The following NRXN2 variants were observed in gnomAD, a reference collection of about 807,000 sequenced individuals.
NRXN2 encodes the protein neurexin-2-beta.
A neutral mutation model predicts 128.8 loss-of-function variants in NRXN2; 29 were observed. The ratio of observed to expected loss-of-function variants is 0.23; its 90% CI spans 0.17 to 0.31. The LOEUF (loss-of-function observed/expected upper bound fraction) is 0.31, where lower values mean the gene tolerates loss of function less well. NRXN2 is among the 10% of genes least tolerant of loss of function. The probability of loss-of-function intolerance (pLI) is 1.00; values close to 1 mark genes in which losing one functional copy is unlikely to be tolerated. For synonymous variants in NRXN2, 1,098 were observed against 1,075.2 expected (o/e 1.02, Z -0.41); for missense variants, 1,881 against 2,452.6 (o/e 0.77, Z 4.92).
chr11:64,700,164 C>T (rs1466274053), intron 2 of NRXN2, among the ~76,000 whole-genome samples: 1 of 152,192 alleles, frequency 6.6e-6, no homozygotes, highest in Non-Finnish European at 1.5e-5. Context: ...TCTCCTCGCT[C>T]TCCTCAGTGA....
At chr11:64,704,648 AG>A (rs1365101327) in intron 2 of NRXN2, among the ~76,000 whole-genome samples, 9 of 151,218 alleles carry the variant, frequency 6.0e-5, no homozygotes, top group African/African-American at 2.2e-4. Flanking sequence ...AGAGAGAGAG[AG>A]AGAGAGAGAG....
chr11:64,668,865 C>G (rs1455757890), intron 7 of NRXN2, among the ~76,000 whole-genome samples: 1 of 152,162 alleles, frequency 6.6e-6, no homozygotes, highest in Admixed American at 6.5e-5. Flanking sequence ...CTGAAGGGTA[C>G]TTGGAGAGCT....
At chr11:64,653,956 A>G (rs2047884774) in intron 11 of NRXN2, among the ~76,000 whole-genome samples, 1 of 152,150 alleles carries the variant, frequency 6.6e-6, no homozygotes, top group South Asian at 2.1e-4. Context: ...CAGGGCAGTC[A>G]GATGATGGGA....
chr11:64,717,382 C>G (rs2057331308), intron 1 of NRXN2, among the ~76,000 whole-genome samples: 1 of 152,214 alleles, frequency 6.6e-6, no homozygotes, highest in African/African-American at 2.4e-5. Context: ...GGGAGCCGAC[C>G]TCCTGAGTAA....
At chr11:64,629,877 C>T (rs894901649) in intron 19 of NRXN2, among the ~76,000 whole-genome samples, 1 of 152,172 alleles carries the variant, frequency 6.6e-6, no homozygotes, top group African/African-American at 2.4e-5. Flanking sequence ...TACTCCTCTT[C>T]CTTCGTTAGA....
At chr11:64,677,798 T>C (rs1273950913) in intron 6 of NRXN2, among the ~76,000 whole-genome samples, 3 of 152,234 alleles carry the variant, frequency 2.0e-5, no homozygotes, top group Non-Finnish European at 4.4e-5. Context: ...ACCAGATGGC[T>C]TTCCAGAGAA....
chr11:64,684,124 A>C (rs988559143), intron 6 of NRXN2, among the ~76,000 whole-genome samples: 3 of 152,014 alleles, frequency 2.0e-5, no homozygotes, highest in African/African-American at 7.2e-5. Flanking sequence ...TGTGCCATGT[A>C]TTTTTTGGTC....
intron 2 of NRXN2, among the ~76,000 whole-genome samples, chr11:64,708,606 T>C (rs1476108606): frequency 1.3e-5 from 2 of 152,242 alleles, no homozygotes; most frequent in African/African-American, 4.8e-5. Flanking sequence ...TTTCCTAGCA[T>C]GGAGGTTCTC....
intron 17 of NRXN2, chr11:64,642,846 CG>C (rs1205257767): frequency 5.9e-6 from 6 of 1,017,674 alleles, no homozygotes; most frequent in Non-Finnish European, 7.0e-6. Context: ...TGGCCGGGGG[CG>C]GGGACGCGGG....
rs151297667 is a variant in NRXN2 at position 64,667,672 on chromosome 11, T to C, written c.1376A>G (p.Asn459Ser). The change falls in exon 9 of 23, where the codon AAT becomes AGT. Residue 459 changes from asparagine to serine, a missense_variant. By Grantham distance (46) the Asn-to-Ser change is conservative. Transcript: ENST00000265459. This position sits in a 1 kb window ranked among gnomAD's most constrained non-coding sequence, Gnocchi z 5.6. ...GCGGGATAGTTCCAATTTGAAGTCA[T>C]TGTTCTTATAGACCACCTGCAGGGA... Reference protein sequence around the residue: ...GCLKDVVYKNNDFKLELSRLA... With the variant: ...GCLKDVVYKNSDFKLELSRLA... 1.2e-5 allele frequency: 19 copies of C among 1,613,988 alleles called. No individual in the cohort carries two copies. The African/African-American group carries it at 1.6e-4, about 14-fold the overall frequency.
At chr11:64,653,828 TCC>T in intron 11 of NRXN2, 106 bp from the exon 12 acceptor site, 1 of 845,592 alleles carries the variant, frequency 1.2e-6, no homozygotes, top group Non-Finnish European at 1.9e-6. Flanking sequence ...CGGGCGGGGT[TCC>T]CCCCAGGGCC....
At position 64,654,342 on chromosome 11, in the gene NRXN2, G is replaced by A. The variant is rs552515866; in HGVS notation, c.2390-620C>T. Among the ~76,000 whole-genome samples the A allele has an allele frequency of 9.8e-5, 15 of 152,326 alleles. No individual in the cohort carries two copies. The East Asian group carries it at 2.9e-3, about 29-fold the overall frequency. ...TTCCAATCCTGGGAAATGCCAGGCT[G>A]CTACTGGGGATAGATCATGGGAGTC... On this transcript the variant is annotated intron_variant, in intron 11 of 22. Coordinates refer to ENST00000265459, the MANE Select transcript of NRXN2 (RefSeq NM_015080.4).
chr11:64,700,500 A>G lies in NRXN2; in HGVS notation c.731-2708T>C, dbSNP rs540000788. ...TACTGACCCTCACATGCAATATCAC[A>G]CATCAGCCTCACTGCAACACAGAGC... On this transcript the variant is annotated intron_variant, in intron 2 of 22. Transcript: ENST00000265459. Among the ~76,000 whole-genome samples, 4 of 152,296 alleles carry G rather than the reference A, an allele frequency of 2.6e-5. No individual in the cohort carries two copies. In the South Asian group the frequency reaches 8.3e-4, roughly 32 times the overall value.
chr11:64,657,625 G>A (rs1460331531), intron 11 of NRXN2, among the ~76,000 whole-genome samples: 2 of 152,292 alleles, frequency 1.3e-5, no homozygotes, highest in East Asian at 3.9e-4. Flanking sequence ...GAGACTCAGA[G>A]ATGGGAAATG....
chr11:64,648,355 A>G lies in NRXN2; in HGVS notation c.3284-17T>C. Reference sequence around the variant, plus strand: ...TGCTGGGGCCTGGAAGGGGCAGGAGAAAGGAACACCCCTGGCTCAGCCAAG... The same window carrying G: ...TGCTGGGGCCTGGAAGGGGCAGGAGGAAGGAACACCCCTGGCTCAGCCAAG... On this transcript the variant is annotated splice_polypyrimidine_tract_variant and intron_variant, in intron 16 of 22. Transcript: ENST00000265459. This position sits in a 1 kb window ranked among gnomAD's most constrained non-coding sequence, Gnocchi z 4.1. 6.2e-7 allele frequency: 1 copy of G among 1,613,976 alleles called. No individual in the cohort carries two copies. Among genetic ancestry groups the G allele is most frequent in the Non-Finnish European group, 8.5e-7 (1 of 1,179,928 alleles).
Position 64,668,594 on chromosome 11 carries a change from G to C in NRXN2, c.1208C>G (p.Ser403Trp). 6.2e-7 allele frequency: 1 copy of C among 1,613,346 alleles called. No homozygotes were observed. ...TGTGGTGGTCAGGATCCCGTCCACCGAGATGGTCACCTGTCCAGCCCAGGA... is the reference window on the plus strand; with the variant it reads ...TGTGGTGGTCAGGATCCCGTCCACCCAGATGGTCACCTGTCCAGCCCAGGA... ...VNKLHYLVTI[S>W]VDGILTTTGY... The change falls in exon 8 of 23, where the codon TCG becomes TGG. Residue 403 changes from serine to tryptophan, a missense_variant. Around this residue, in one of 7 missense-constraint regions of NRXN2, gnomAD observed 997 missense variants for 1,240.8 expected, o/e 0.80. Coordinates refer to ENST00000265459, the MANE Select transcript of NRXN2 (RefSeq NM_015080.4).
chr11:64,656,482 T>C (rs1360770336), intron 11 of NRXN2, among the ~76,000 whole-genome samples: 1 of 151,752 alleles, frequency 6.6e-6, no homozygotes, highest in Non-Finnish European at 1.5e-5. Flanking sequence ...GAATGGATCT[T>C]GGAGGTGGGA....
In NRXN2 at chr11:64,667,046, C is replaced by A. The variant is rs991885747; in HGVS notation, c.1798+204G>T. Among the ~76,000 whole-genome samples, 2 of 152,168 alleles carry A rather than the reference C, an allele frequency of 1.3e-5. No individual in the cohort carries two copies. The highest frequency in any genetic ancestry group is 4.8e-5 in the African/African-American group (2 of 41,422). On this transcript the variant is annotated intron_variant, in intron 9 of 22. Coordinates refer to ENST00000265459, the MANE Select transcript of NRXN2 (RefSeq NM_015080.4). The surrounding 1 kb of genome is among the most constrained non-coding windows in gnomAD (Gnocchi z 5.6). ...GAGCTGAGGTGTAATCCAGGTCTGA[C>A]TGATGCCAAATGCTGTGCTCTTTCT...
intron 17 of NRXN2, among the ~76,000 whole-genome samples, chr11:64,641,740 G>GT (rs1390632424): frequency 6.6e-6 from 1 of 152,038 alleles, no homozygotes; most frequent in Non-Finnish European, 1.5e-5. Context: ...GGAGGTGATT[G>GT]TAAGTGGACA....
Sources: gnomAD v4.1 joint callset for allele counts (sites outside exome capture counted in the v4.1 genomes callset) on GRCh38, gnomAD v4.1.1 for gene constraint, gnomAD v4.1.1 regional missense constraint, Gnocchi (gnomAD v3.1) non-coding constraint, MANE v1.5 for transcripts, NCBI Gene and HGNC (gene_info 2026-07-23, HGNC 2026-07-21) for gene names.